RNF17: variants seen among roughly 807,000 people sequenced by gnomAD.
The protein encoded by RNF17 is ring finger protein 17.
Under a neutral mutation model 200.5 loss-of-function variants are expected in RNF17, and 31 were observed. That is an observed-to-expected ratio of 0.15 (90% CI 0.12 to 0.21). RNF17 has a LOEUF of 0.21. Among genes scored for constraint, RNF17 ranks in the 10% least tolerant of loss-of-function variants. The pLI is 1.00. For missense variants in RNF17, 1,628 were observed against 1,905.1 expected, an observed-to-expected ratio of 0.85 and a Z score of 2.71; for synonymous variants, 606 against 637.8, an observed-to-expected ratio of 0.95 and a Z score of 0.75.
intron 18 of RNF17, among the ~76,000 whole-genome samples, chr13:24,834,109 T>TA (rs1339131801): frequency 2.0e-5 from 3 of 151,938 alleles, no homozygotes; most frequent in Admixed American, 1.3e-4. Flanking sequence ...CAACTCCTGG[T>TA]AAAAAAGCTT....
chr13:24,777,026 AAAATT>A (rs1241995400), intron 3 of RNF17, among the ~76,000 whole-genome samples: 5 of 152,226 alleles, frequency 3.3e-5, no homozygotes, highest in Non-Finnish European at 7.3e-5. Flanking sequence ...AACCATTTTA[AAAATT>A]AAATTTATGT....
chr13:24,882,957 C>T, downstream of RNF17: 1 of 550,024 alleles, frequency 1.8e-6, no homozygotes, highest in Non-Finnish European at 3.2e-6. Context: ...AGTCAAAATG[C>T]TTTCCTTAGT....
At chr13:24,774,628 T>C (rs1483908084) in intron 2 of RNF17, among the ~76,000 whole-genome samples, 185 bp from the exon 3 acceptor site, 1 of 152,238 alleles carries the variant, frequency 6.6e-6, no homozygotes, top group Non-Finnish European at 1.5e-5. Flanking sequence ...TCGTGATTGC[T>C]TCCAAAAATT....
intron 15 of RNF17, among the ~76,000 whole-genome samples, chr13:24,809,907 T>A (rs1345554187): frequency 1.3e-5 from 2 of 152,132 alleles, no homozygotes; most frequent in African/African-American, 4.8e-5. Flanking sequence ...TACCCAGTAG[T>A]CATTCAGGAG....
chr13:24,884,283 G>A (rs747350394), downstream of RNF17: 1 of 1,614,132 alleles, frequency 6.2e-7, no homozygotes, highest in Non-Finnish European at 8.5e-7. Flanking sequence ...TTTCTCCAGA[G>A]ATGGTTAAAC....
chr13:24,842,067 G>A lies in RNF17; in HGVS notation c.2509G>A (p.Val837Ile), dbSNP rs199631017. 6.8e-6 allele frequency: 11 copies of A among 1,611,264 alleles called. No individual in the cohort carries two copies. The East Asian group carries it at 2.0e-4, about 29-fold the overall frequency. ...IKILEDNVLL[V>I]ELFDSLGAPE... The stretch of plus-strand genomic sequence containing the variant: ...AATTCTGGAAGATAATGTGCTCTTA[G>A]TTGAGCTTTTCGATTCTCTTGGTGC... Residue 837 changes from valine to isoleucine, a missense_variant, in exon 19 of 36, where the codon GTT becomes ATT. By Grantham distance (29) the Val-to-Ile change is conservative. Coordinates refer to ENST00000255324, the MANE Select transcript of RNF17 (RefSeq NM_031277.3).
chr13:24,761,832 T>G (rs1188632594), upstream of RNF17, among the ~76,000 whole-genome samples: 1 of 152,230 alleles, frequency 6.6e-6, no homozygotes, highest in Non-Finnish European at 1.5e-5. Flanking sequence ...CCCTGATTTA[T>G]CCAAGATTAA....
chr13:24,794,070 C>A, intron 10 of RNF17: 1 of 373,698 alleles, frequency 2.7e-6, no homozygotes, highest in South Asian at 2.0e-5. Context: ...AGTGTTTTGC[C>A]AATTTCAGTA....
chr13:24,855,112 T>G (rs752332021), intron 25 of RNF17, among the ~76,000 whole-genome samples: 1 of 152,178 alleles, frequency 6.6e-6, no homozygotes, highest in Non-Finnish European at 1.5e-5. Context: ...CATCAAACTG[T>G]TCGAGATTTG....
chr13:24,815,181 A>C (rs934130415), intron 15 of RNF17, among the ~76,000 whole-genome samples: 6 of 152,046 alleles, frequency 3.9e-5, no homozygotes, highest in African/African-American at 1.4e-4. Flanking sequence ...TGAACACCGG[A>C]TTTTTTTCAT....
chr13:24,885,338 C>A, the RNF17 span: 4 of 1,613,854 alleles, frequency 2.5e-6, no homozygotes, highest in Admixed American at 3.3e-5. Flanking sequence ...TCTTTATATT[C>A]AGGATCTGGG....
At chr13:24,754,901 A>G in the RNF17 span, among the ~76,000 whole-genome samples, 1 of 152,040 alleles carries the variant, frequency 6.6e-6, no homozygotes, top group African/African-American at 2.4e-5. Flanking sequence ...GTCTTAAAAA[A>G]AAAAAAAAAA....
chr13:24,820,697 A>G (rs1226069752), intron 15 of RNF17, among the ~76,000 whole-genome samples: 1 of 152,110 alleles, frequency 6.6e-6, no homozygotes, highest in Non-Finnish European at 1.5e-5. Context: ...GGCCTCCCCA[A>G]AGTGCTGGGA....
chr13:24,764,937 G>C (rs967659697), intron 1 of RNF17, among the ~76,000 whole-genome samples: 8 of 150,272 alleles, frequency 5.3e-5, no homozygotes, highest in Non-Finnish European at 1.2e-4. Flanking sequence ...GTCTTTATAC[G>C]TGAGGGGAAA....
At chr13:24,826,214 C>T (rs1168561979) in intron 16 of RNF17, 1 of 422,850 alleles carries the variant, frequency 2.4e-6, no homozygotes, top group Non-Finnish European at 3.2e-6. Context: ...ATTTTTTCTA[C>T]TTTTTCTACA....
intron 18 of RNF17, among the ~76,000 whole-genome samples, chr13:24,834,320 C>CA (rs756073421): frequency 3.9e-4 from 59 of 152,212 alleles, no homozygotes; most frequent in South Asian, 1.0e-3. Context: ...GAGGCTGAGG[C>CA]AGGAGAATCA....
rs116373625 is a variant in RNF17 at position 24,824,093 on chromosome 13, G to A, written c.2092-1526G>A. 128 of 684,840 alleles carry A rather than the reference G, an allele frequency of 1.9e-4. No individual in the cohort carries two copies. In the African/African-American group the frequency reaches 1.9e-3, roughly 10 times the overall value. The allele number at this position is 684,840 out of a possible 1,614,324, so 42.4% of individuals were successfully genotyped here. On this transcript the variant is annotated intron_variant, in intron 15 of 35. Coordinates refer to ENST00000255324, the MANE Select transcript of RNF17 (RefSeq NM_031277.3). ...CCATTGTCATTCTGGGAAGAGGGTA[G>A]GGTGAGGCAAGTAAAAATACCACAA... is the stretch of plus-strand genomic sequence containing the variant.
intron 15 of RNF17, among the ~76,000 whole-genome samples, chr13:24,817,974 A>C (rs1422142551): frequency 1.3e-5 from 2 of 151,808 alleles, no homozygotes; most frequent in African/African-American, 4.8e-5. Context: ...CTGTTGTCTT[A>C]TGGTATATAG....
At chr13:24,871,249 G>T (rs146465449) in intron 32 of RNF17, among the ~76,000 whole-genome samples, 1 of 152,160 alleles carries the variant, frequency 6.6e-6, no homozygotes, top group Non-Finnish European at 1.5e-5. Context: ...TAGTTATTGC[G>T]GTATGTAATG....
Sources: allele counts gnomAD v4.1 joint callset (sites outside exome capture counted in the v4.1 genomes callset), GRCh38; gene constraint gnomAD v4.1.1; transcripts MANE v1.5; gene names NCBI Gene and HGNC (gene_info 2026-07-23, HGNC 2026-07-21).